The following PTPRD variants were observed in gnomAD, a reference collection of about 807,000 sequenced individuals.
PTPRD encodes the protein receptor-type tyrosine-protein phosphatase delta.
In PTPRD, 34 loss-of-function variants were observed where a neutral mutation model predicts 214.5. That is an observed-to-expected ratio of 0.16 (90% CI 0.12 to 0.21). The LOEUF (loss-of-function observed/expected upper bound fraction) is 0.21. Ranked by LOEUF, PTPRD falls within the 10% of genes least tolerant of loss-of-function variation. The pLI is 1.00. For missense variants in PTPRD, 2,545 were observed against 2,398.7 expected, an observed-to-expected ratio of 1.06 and a Z score of -1.27; for synonymous variants, 1,128 against 845.7, an observed-to-expected ratio of 1.33 and a Z score of -5.79.
At chr9:10,409,397 G>T (rs916514643) in intron 2 of PTPRD, among the ~76,000 whole-genome samples, 56 of 151,460 alleles carry the variant, frequency 3.7e-4, no homozygotes, top group African/African-American at 1.3e-3. Flanking sequence ...TTCATATTAT[G>T]GTCATACTAA....
At chr9:9,352,076 G>C (rs763046935) in intron 9 of PTPRD, among the ~76,000 whole-genome samples, 2 of 151,784 alleles carry the variant, frequency 1.3e-5, no homozygotes, top group Non-Finnish European at 2.9e-5. Context: ...CCAAAGTGCT[G>C]GGATTACAGG....
intron 5 of PTPRD, among the ~76,000 whole-genome samples, chr9:9,794,309 C>T (rs974165144): frequency 6.6e-6 from 1 of 151,218 alleles, no homozygotes; most frequent in African/African-American, 2.4e-5. Context: ...AAGGTGTTAC[C>T]AAGAAATGAC....
chr9:9,675,088 T>C (rs1013872056), intron 7 of PTPRD, among the ~76,000 whole-genome samples: 5 of 151,922 alleles, frequency 3.3e-5, no homozygotes, highest in African/African-American at 1.2e-4. Context: ...AAGTCTAACA[T>C]ATTTAAGAGA....
At chr9:8,465,989 G>T (rs1431486809) in intron 31 of PTPRD, among the ~76,000 whole-genome samples, 1 of 151,822 alleles carries the variant, frequency 6.6e-6, no homozygotes, top group Non-Finnish European at 1.5e-5. Context: ...ATCATAACTT[G>T]TCTAAGGAAA....
chr9:9,582,279 GT>G (rs2078901073), intron 7 of PTPRD, among the ~76,000 whole-genome samples: 1 of 152,098 alleles, frequency 6.6e-6, no homozygotes. Context: ...AGTCTAAACA[GT>G]GTCAGTGAAT....
At chr9:9,716,150 A>G (rs866040485) in intron 7 of PTPRD, among the ~76,000 whole-genome samples, 1 of 151,982 alleles carries the variant, frequency 6.6e-6, no homozygotes, top group Non-Finnish European at 1.5e-5. Flanking sequence ...GATTATTTCC[A>G]ATTTCCTCCA....
At chr9:10,421,217 A>C (rs753060836) in intron 2 of PTPRD, among the ~76,000 whole-genome samples, 5 of 151,886 alleles carry the variant, frequency 3.3e-5, no homozygotes, top group Non-Finnish European at 7.4e-5. Context: ...TCTGCACTGC[A>C]GATTACGGGA....
intron 2 of PTPRD, among the ~76,000 whole-genome samples, chr9:10,514,193 T>A (rs1300034907): frequency 1.3e-5 from 2 of 152,118 alleles, no homozygotes; most frequent in African/African-American, 4.8e-5. Context: ...TACAAATTTA[T>A]ACATAGATAC....
At chr9:9,110,176 T>C (rs2099804079) in intron 10 of PTPRD, among the ~76,000 whole-genome samples, 1 of 152,150 alleles carries the variant, frequency 6.6e-6, no homozygotes, top group African/African-American at 2.4e-5. Flanking sequence ...ATACTGCTAC[T>C]ATGGCATTCT....
At chr9:10,232,366 A>C (rs1441241537) in intron 3 of PTPRD, among the ~76,000 whole-genome samples, 1 of 152,024 alleles carries the variant, frequency 6.6e-6, no homozygotes, top group Non-Finnish European at 1.5e-5. Flanking sequence ...AGAATATGAC[A>C]GTAGGGTTTG....
At chr9:10,302,201 T>C (rs2095881798) in intron 3 of PTPRD, among the ~76,000 whole-genome samples, 1 of 152,166 alleles carries the variant, frequency 6.6e-6, no homozygotes, top group African/African-American at 2.4e-5. Flanking sequence ...AAATCCTTTA[T>C]AGGCAAGCAA....
At chr9:8,671,656 C>G (rs2097289194) in intron 12 of PTPRD, among the ~76,000 whole-genome samples, 1 of 152,062 alleles carries the variant, frequency 6.6e-6, no homozygotes, top group Admixed American at 6.6e-5. Flanking sequence ...TTCCAGTAAC[C>G]TAAAAGGGCA....
At chr9:9,760,133 A>G (rs187861766) in intron 6 of PTPRD, among the ~76,000 whole-genome samples, 12 of 151,994 alleles carry the variant, frequency 7.9e-5, no homozygotes, top group Admixed American at 1.3e-4. Flanking sequence ...TCGCTACCCT[A>G]TTTCTGTGTG....
intron 4 of PTPRD, among the ~76,000 whole-genome samples, chr9:9,994,001 C>T (rs913222026): frequency 6.6e-6 from 1 of 152,090 alleles, no homozygotes; most frequent in Non-Finnish European, 1.5e-5. Flanking sequence ...ATCATGTGTA[C>T]TCATTTAATA....
Position 10,431,829 on chromosome 9 carries a change from C to T in PTPRD, c.-599-90812G>A, listed in dbSNP as rs1220136196. 3.9e-5 allele frequency among the ~76,000 whole-genome samples: 6 copies of T among 152,174 alleles called. No homozygotes were observed. The East Asian group carries it at 5.8e-4, about 15-fold the overall frequency. The stretch of plus-strand genomic sequence containing the variant: ...GTGGAGAAATAGGAAGACTTTTACA[C>T]TGTTGGTGGGACTGTAAACTAGTTC... On this transcript the variant is annotated intron_variant, in intron 2 of 45. Transcript: ENST00000381196.
chr9:9,581,273 G>C (rs556328211), intron 7 of PTPRD, among the ~76,000 whole-genome samples: 1 of 152,010 alleles, frequency 6.6e-6, no homozygotes, highest in South Asian at 2.1e-4. Context: ...TCAAATTCTA[G>C]AGTTTTCTGC....
chr9:9,370,546 G>C (rs2059175630), intron 9 of PTPRD, among the ~76,000 whole-genome samples: 10 of 151,260 alleles, frequency 6.6e-5, no homozygotes, highest in Admixed American at 6.6e-4. Context: ...ATACAATCAT[G>C]TCATCTGCAA....
chr9:8,624,089 C>T (rs1009876890), intron 14 of PTPRD, among the ~76,000 whole-genome samples: 16 of 151,686 alleles, frequency 1.1e-4, no homozygotes, highest in Non-Finnish European at 1.5e-4. Context: ...TATTCTAGTA[C>T]GACAGTGTGA....
chr9:10,566,632 G>A (rs1228398418), intron 2 of PTPRD, among the ~76,000 whole-genome samples: 1 of 151,952 alleles, frequency 6.6e-6, no homozygotes, highest in Non-Finnish European at 1.5e-5. Context: ...CTCATTCAGT[G>A]TCTTTTCTTT....
Sources: gnomAD v4.1 joint callset for allele counts (sites outside exome capture counted in the v4.1 genomes callset) on GRCh38, gnomAD v4.1.1 for gene constraint, MANE v1.5 for transcripts, NCBI Gene and HGNC (gene_info 2026-07-23, HGNC 2026-07-21) for gene names.